ZNF385B: variants seen among roughly 807,000 people sequenced by gnomAD.
ZNF385B encodes zinc finger protein 533.
ZNF385B carries 23 observed loss-of-function variants against 39.2 expected under a neutral mutation model. The ratio of observed to expected loss-of-function variants is 0.59; its 90% CI spans 0.42 to 0.83. The LOEUF is 0.83. ZNF385B is among the 40% of genes least tolerant of loss of function. The pLI is 0.00. For missense variants in ZNF385B, 552 were observed against 598.9 expected, an observed-to-expected ratio of 0.92 and a Z score of 0.82; for synonymous variants, 205 against 222.6, an observed-to-expected ratio of 0.92 and a Z score of 0.70.
intron 3 of ZNF385B, among the ~76,000 whole-genome samples, chr2:179,662,499 G>A (rs1393916070): frequency 6.6e-6 from 1 of 151,956 alleles, no homozygotes; most frequent in East Asian, 1.9e-4. Context: ...ATCTTTACCA[G>A]GCGCTTGATA....
intron 3 of ZNF385B, among the ~76,000 whole-genome samples, chr2:179,675,713 G>A (rs1311184889): frequency 6.6e-6 from 1 of 152,068 alleles, no homozygotes; most frequent in Non-Finnish European, 1.5e-5. Context: ...AGTGCTTTGT[G>A]TCCAACTAGG....
At chr2:179,551,423 G>C (rs1300926115) in intron 3 of ZNF385B, among the ~76,000 whole-genome samples, 1 of 149,738 alleles carries the variant, frequency 6.7e-6, no homozygotes, top group Non-Finnish European at 1.5e-5. Flanking sequence ...ATAAGACCCT[G>C]AAAAACGAAG....
In ZNF385B at chr2:179,699,538, A is replaced by T. The variant is rs560174620; in HGVS notation, c.298+69965T>A. On this transcript the variant is annotated intron_variant, in intron 3 of 9. Transcript: ENST00000410066. ...CACTACACAATTATTAAATATGTAAATAGTAAAGAATAATTTCTTATTTGA... is the reference window on the plus strand; with the variant it reads ...CACTACACAATTATTAAATATGTAATTAGTAAAGAATAATTTCTTATTTGA... Among the ~76,000 whole-genome samples, 27 of 152,360 alleles carry T rather than the reference A, an allele frequency of 1.8e-4. No homozygotes were observed. In the Middle Eastern group the frequency reaches 0.01, roughly 58 times the overall value.
chr2:179,676,376 C>T (rs1356027757), intron 3 of ZNF385B, among the ~76,000 whole-genome samples: 1 of 151,224 alleles, frequency 6.6e-6, no homozygotes, highest in African/African-American at 2.4e-5. Flanking sequence ...GCGTGAGCCA[C>T]CACGCCCAGC....
chr2:179,510,467 GT>G (rs930620373), intron 5 of ZNF385B, among the ~76,000 whole-genome samples: 24 of 151,256 alleles, frequency 1.6e-4, no homozygotes, highest in African/African-American at 4.8e-4. Flanking sequence ...AATGTTCAAA[GT>G]TTTTTTTTGA....
chr2:179,479,906 A>G lies in ZNF385B; in HGVS notation c.715+3366T>C, dbSNP rs144220699. Among the ~76,000 whole-genome samples the G allele has an allele frequency of 8.5e-4, 130 of 152,246 alleles. 1 individual carries two copies. Among genetic ancestry groups the G allele is most frequent in the African/African-American group, 2.7e-3 (113 of 41,568 alleles). ...CAAGTTTCTTGTTGAATACCCTGAA[A>G]TCACACCTTGCCTTAAAGGATGTTC... On this transcript the variant is annotated intron_variant, in intron 6 of 9. Coordinates refer to ENST00000410066, the MANE Select transcript of ZNF385B (RefSeq NM_152520.6).
At chr2:179,606,756 G>A (rs764291014) in intron 3 of ZNF385B, among the ~76,000 whole-genome samples, 4 of 152,290 alleles carry the variant, frequency 2.6e-5, no homozygotes, top group African/African-American at 7.2e-5. Flanking sequence ...CAGAGGAAAT[G>A]ATAAAAATGA....
chr2:179,679,683 A>G (rs1697336274), intron 3 of ZNF385B, among the ~76,000 whole-genome samples: 1 of 152,090 alleles, frequency 6.6e-6, no homozygotes, highest in Admixed American at 6.6e-5. Context: ...GGAGATTCCT[A>G]TGCTTTCGAC....
chr2:179,658,519 C>T (rs1181195881), intron 3 of ZNF385B, among the ~76,000 whole-genome samples: 2 of 152,134 alleles, frequency 1.3e-5, no homozygotes, highest in African/African-American at 2.4e-5. Flanking sequence ...TGAGGAGCCA[C>T]GATGAAAACC....
At chr2:179,573,131 T>C (rs1326563073) in intron 3 of ZNF385B, among the ~76,000 whole-genome samples, 1 of 152,204 alleles carries the variant, frequency 6.6e-6, no homozygotes, top group Non-Finnish European at 1.5e-5. Flanking sequence ...ATGTTGATAC[T>C]TTAAAGTTGA....
chr2:179,676,021 T>A (rs62175163), intron 3 of ZNF385B, among the ~76,000 whole-genome samples: 2 of 150,846 alleles, frequency 1.3e-5, no homozygotes, highest in African/African-American at 2.4e-5. Context: ...ACTCCTGACC[T>A]CGTGATTGGC....
chr2:179,602,483 G>A (rs963481674), intron 3 of ZNF385B, among the ~76,000 whole-genome samples: 1 of 152,058 alleles, frequency 6.6e-6, no homozygotes, highest in African/African-American at 2.4e-5. Context: ...ACAGGTGTGA[G>A]CCATCGCACC....
chr2:179,551,237 T>G (rs960580157), intron 3 of ZNF385B, among the ~76,000 whole-genome samples: 5 of 152,058 alleles, frequency 3.3e-5, no homozygotes, highest in African/African-American at 1.2e-4. Context: ...CTTCCTGTAC[T>G]AAAATGAAAT....
chr2:179,823,377 T>C (rs1178127297), intron 1 of ZNF385B, among the ~76,000 whole-genome samples: 1 of 152,170 alleles, frequency 6.6e-6, no homozygotes, highest in Admixed American at 6.5e-5. Flanking sequence ...ACTTTTCTTT[T>C]CCAGGCTATC....
chr2:179,586,991 A>C (rs1466390572), intron 3 of ZNF385B, among the ~76,000 whole-genome samples: 1 of 152,168 alleles, frequency 6.6e-6, no homozygotes, highest in East Asian at 1.9e-4. Flanking sequence ...GTGAGCCGAG[A>C]TCATGCCATT....
At chr2:179,657,104 A>G (rs1515283) in intron 3 of ZNF385B, among the ~76,000 whole-genome samples, 150,496 of 152,316 alleles carry the variant, frequency 0.99, 74,376 homozygotes, top group Middle Eastern at 1. Context: ...TGGGGCAGGG[A>G]AGGGGAAGAG....
chr2:179,743,828 A>G (rs1702217093), intron 3 of ZNF385B, among the ~76,000 whole-genome samples: 1 of 152,148 alleles, frequency 6.6e-6, no homozygotes, highest in South Asian at 2.1e-4. Flanking sequence ...GCTTTTCTAA[A>G]TGAGATGATT....
At chr2:179,829,430 G>T (rs988522405) in intron 1 of ZNF385B, among the ~76,000 whole-genome samples, 1 of 152,136 alleles carries the variant, frequency 6.6e-6, no homozygotes, top group Non-Finnish European at 1.5e-5. Context: ...ATTGATCATA[G>T]AAGTAAATGT....
chr2:179,734,805 A>G (rs1244822822), intron 3 of ZNF385B, among the ~76,000 whole-genome samples: 1 of 152,160 alleles, frequency 6.6e-6, no homozygotes, highest in Non-Finnish European at 1.5e-5. Flanking sequence ...GCTATGGACT[A>G]AAAAAGCCTG....
Sources: gnomAD v4.1 joint callset for allele counts (sites outside exome capture counted in the v4.1 genomes callset) on GRCh38, gnomAD v4.1.1 for gene constraint, MANE v1.5 for transcripts, NCBI Gene and HGNC (gene_info 2026-07-23, HGNC 2026-07-21) for gene names.